RAB11FIP4: variants seen among roughly 807,000 people sequenced by gnomAD.
The protein encoded by RAB11FIP4 is RAB11 family interacting protein 4.
Under a neutral mutation model 74.3 loss-of-function variants are expected in RAB11FIP4, and 23 were observed. The observed-to-expected ratio is 0.31, with a 90% CI of 0.22 to 0.44. The LOEUF (loss-of-function observed/expected upper bound fraction) is 0.44. Among genes scored for constraint, RAB11FIP4 ranks in the 20% least tolerant of loss-of-function variants. The pLI is 1.00. For synonymous variants in RAB11FIP4, 360 were observed against 359.9 expected, an observed-to-expected ratio of 1.00 and a Z score of 0.00; for missense variants, 630 against 863.9, an observed-to-expected ratio of 0.73 and a Z score of 3.39.
intron 3 of RAB11FIP4, among the ~76,000 whole-genome samples, chr17:31,499,481 G>A (rs971561072): frequency 6.6e-6 from 1 of 152,106 alleles, no homozygotes; most frequent in African/African-American, 2.4e-5. Flanking sequence ...TCCGCCTCCC[G>A]AGTAGCTGGG....
intron 3 of RAB11FIP4, among the ~76,000 whole-genome samples, chr17:31,460,139 A>G (rs2071621089): frequency 6.6e-6 from 1 of 152,230 alleles, no homozygotes; most frequent in African/African-American, 2.4e-5. Context: ...TTTGGGGTCC[A>G]TTGAAAAATG....
At chr17:31,483,313 G>A (rs1269160753) in intron 3 of RAB11FIP4, among the ~76,000 whole-genome samples, 2 of 151,072 alleles carry the variant, frequency 1.3e-5, no homozygotes, top group African/African-American at 4.9e-5. Context: ...CCTGATTAAT[G>A]ACTGGTGTCC....
At chr17:31,497,621 G>T (rs1029141169) in intron 3 of RAB11FIP4, among the ~76,000 whole-genome samples, 1 of 152,090 alleles carries the variant, frequency 6.6e-6, no homozygotes, top group Non-Finnish European at 1.5e-5. Context: ...ACCTACAGGG[G>T]TGCACATGAC....
chr17:31,476,310 A>G (rs2071792472), intron 3 of RAB11FIP4, among the ~76,000 whole-genome samples: 2 of 149,474 alleles, frequency 1.3e-5, no homozygotes, highest in South Asian at 2.1e-4. Context: ...TCAGCCTCCC[A>G]AGTAGCTGGG....
intron 3 of RAB11FIP4, among the ~76,000 whole-genome samples, chr17:31,505,498 A>T: frequency 1.2e-5 from 1 of 84,288 alleles, no homozygotes; most frequent in Non-Finnish European, 2.2e-5. Flanking sequence ...ATATATAATT[A>T]TTATATTATA....
At chr17:31,469,003 T>G (rs1304832618) in intron 3 of RAB11FIP4, among the ~76,000 whole-genome samples, 1 of 152,202 alleles carries the variant, frequency 6.6e-6, no homozygotes, top group Admixed American at 6.6e-5. Flanking sequence ...AGGGATTAAA[T>G]GAGCTCATAT....
In RAB11FIP4 at chr17:31,391,750, A is replaced by C; in HGVS notation, c.-103A>C. ...CCACCGGGCGGAGGCTGCGCGGCGC[A>C]GACCCAGACGGGCGGCCCCGGAGGG... is the stretch of plus-strand genomic sequence containing the variant. On this transcript the variant is annotated 5_prime_UTR_variant, in exon 1 of 15. Coordinates refer to ENST00000621161, the MANE Select transcript of RAB11FIP4 (RefSeq NM_032932.6). 1 of 867,736 alleles carries C rather than the reference A, an allele frequency of 1.2e-6. No individual in the cohort carries two copies. Among genetic ancestry groups the C allele is most frequent in the Non-Finnish European group, 1.4e-6 (1 of 725,302 alleles). The allele number at this position is 867,736 out of a possible 1,614,324, so 53.8% of individuals were successfully genotyped here. A position where few individuals can be genotyped will look rare whatever the true frequency, so the allele number is the denominator to read the frequency against.
At chr17:31,432,400 G>T (rs1368495712) in intron 2 of RAB11FIP4, among the ~76,000 whole-genome samples, 2 of 149,966 alleles carry the variant, frequency 1.3e-5, no homozygotes, top group Non-Finnish European at 3.0e-5. Flanking sequence ...TTGTCGCCCA[G>T]GCTACTGGAG....
chr17:31,498,595 G>T (rs188198142), intron 3 of RAB11FIP4, among the ~76,000 whole-genome samples: 1 of 152,220 alleles, frequency 6.6e-6, no homozygotes, highest in African/African-American at 2.4e-5. Context: ...GGTAAACATC[G>T]GTGCTCTGCT....
At chr17:31,424,522 G>A (rs1258713343) in intron 1 of RAB11FIP4, among the ~76,000 whole-genome samples, 1 of 150,720 alleles carries the variant, frequency 6.6e-6, no homozygotes, top group Admixed American at 6.6e-5. Flanking sequence ...CAATTCTCCT[G>A]CCTCAGCCTC....
At chr17:31,464,143 G>C (rs2071661139) in intron 3 of RAB11FIP4, among the ~76,000 whole-genome samples, 1 of 151,982 alleles carries the variant, frequency 6.6e-6, no homozygotes, top group Non-Finnish European at 1.5e-5. Flanking sequence ...TCCTGTGCCA[G>C]ACCCGCAGGT....
At chr17:31,449,093 G>A (rs151289346) in intron 3 of RAB11FIP4, among the ~76,000 whole-genome samples, 310 of 152,130 alleles carry the variant, frequency 2.0e-3, no homozygotes, top group African/African-American at 7.1e-3. Context: ...ACAGGGGACA[G>A]AATTCCCTCC....
chr17:31,438,412 G>T (rs914212951), intron 3 of RAB11FIP4, among the ~76,000 whole-genome samples: 4 of 152,004 alleles, frequency 2.6e-5, no homozygotes, highest in African/African-American at 9.7e-5. Flanking sequence ...TAGCCACCAC[G>T]CCAGCAAATG....
intron 9 of RAB11FIP4, chr17:31,524,220 T>C: frequency 3.8e-6 from 2 of 529,632 alleles, no homozygotes. Flanking sequence ...CTAGGCCCAA[T>C]GGATTCTACC....
chr17:31,533,698 T>G lies in RAB11FIP4; in HGVS notation c.*1966T>G, dbSNP rs1391484418. 6.6e-6 allele frequency: 1 copy of G among 152,264 alleles called. No homozygotes were observed. The highest frequency in any genetic ancestry group is 1.5e-5 in the Non-Finnish European group (1 of 68,058). The allele number at this position is 152,264 out of a possible 1,614,324, so 9.4% of individuals were successfully genotyped here. ...CAGAGAAGGCTGCAGAGGCCTGGGT[T>G]ACACAGCCTGAGTCACAACGTGGGA... On this transcript the variant is annotated 3_prime_UTR_variant, in exon 15 of 15. Transcript: ENST00000621161.
At chr17:31,425,937 C>G (rs1017793944) in intron 1 of RAB11FIP4, among the ~76,000 whole-genome samples, 3 of 152,178 alleles carry the variant, frequency 2.0e-5, no homozygotes, top group Non-Finnish European at 4.4e-5. Context: ...CCCTGCGTGA[C>G]CTTGAGCAAA....
chr17:31,407,622 T>C (rs748358174), intron 1 of RAB11FIP4, among the ~76,000 whole-genome samples: 1 of 152,198 alleles, frequency 6.6e-6, no homozygotes, highest in Non-Finnish European at 1.5e-5. Context: ...AGTTGTCCTA[T>C]AGACTGTCCC....
intron 1 of RAB11FIP4, among the ~76,000 whole-genome samples, chr17:31,396,296 C>T (rs1201236406): frequency 1.3e-5 from 2 of 152,078 alleles, no homozygotes; most frequent in Non-Finnish European, 2.9e-5. Flanking sequence ...GGGAGCAGGA[C>T]TCTGATAAGT....
intron 1 of RAB11FIP4, among the ~76,000 whole-genome samples, chr17:31,394,669 A>G (rs1031087202): frequency 2.0e-5 from 3 of 152,166 alleles, no homozygotes; most frequent in African/African-American, 7.2e-5. Flanking sequence ...AAGAGAATCT[A>G]GCATCCTACC....
Sources: gnomAD v4.1 joint callset for allele counts (sites outside exome capture counted in the v4.1 genomes callset) on GRCh38, gnomAD v4.1.1 for gene constraint, MANE v1.5 for transcripts, NCBI Gene and HGNC (gene_info 2026-07-23, HGNC 2026-07-21) for gene names.